The following KLHDC4 variants were observed in gnomAD, a reference collection of about 807,000 sequenced individuals.
KLHDC4 encodes kelch domain-containing protein 4.
A neutral mutation model predicts 62.4 loss-of-function variants in KLHDC4; 90 were observed. The observed-to-expected ratio is 1.44, with a 90% CI of 1.22 to 1.72. The LOEUF is 1.72. Ranked by LOEUF, KLHDC4 falls within the 40% of genes most tolerant of loss-of-function variation. KLHDC4 has a pLI of 0.00. For synonymous variants in KLHDC4, 386 were observed against 284.4 expected (o/e 1.36, Z -3.59); for missense variants, 1,025 against 699.7 (o/e 1.47, Z -5.25).
At chr16:87,700,610 G>A (rs1229557195) in exon 1 of KLHDC4, 1 of 201,634 alleles carries the variant, frequency 5.0e-6, no homozygotes, top group Non-Finnish European at 9.9e-6. Context: ...GGTGGAGGGA[G>A]GAAACAGGGT....
chr16:87,748,601 CG>C (rs2043403540), intron 5 of KLHDC4, 71 bp downstream of exon 5: 3 of 1,585,260 alleles, frequency 1.9e-6, no homozygotes, highest in Admixed American at 1.7e-5. Flanking sequence ...AGGTCTGCTC[CG>C]AGCACTCGGG....
chr16:87,745,368 C>T (rs1004369972), intron 5 of KLHDC4, among the ~76,000 whole-genome samples: 5 of 152,242 alleles, frequency 3.3e-5, no homozygotes, highest in African/African-American at 4.8e-5. Context: ...CGCCCCAGGG[C>T]CCGCCCTGTG....
chr16:87,739,913 C>G (rs1158763544), intron 5 of KLHDC4: 1 of 152,242 alleles, frequency 6.6e-6, no homozygotes, highest in South Asian at 2.1e-4. Context: ...GTGTTGGCTG[C>G]GCAATTCTGT....
intron 5 of KLHDC4, among the ~76,000 whole-genome samples, chr16:87,734,964 C>T (rs1480551527): frequency 3.4e-5 from 2 of 58,334 alleles, no homozygotes; most frequent in African/African-American, 1.2e-4. Flanking sequence ...TGACGAATTG[C>T]CTGACGCCCC....
chr16:87,730,284 T>G (rs897938462), intron 6 of KLHDC4, among the ~76,000 whole-genome samples: 1 of 152,234 alleles, frequency 6.6e-6, no homozygotes, highest in South Asian at 2.1e-4. Context: ...ACTAGCCACA[T>G]CATTTGCAGG....
chr16:87,718,878 C>T (rs533087851), intron 7 of KLHDC4, among the ~76,000 whole-genome samples: 2 of 151,364 alleles, frequency 1.3e-5, no homozygotes, highest in Non-Finnish European at 2.9e-5. Context: ...CCGGCCGCGA[C>T]CCCGTCTGGG....
chr16:87,717,210 G>A (rs1426164517), intron 7 of KLHDC4, among the ~76,000 whole-genome samples: 6 of 152,212 alleles, frequency 3.9e-5, no homozygotes, highest in South Asian at 4.1e-4. Context: ...CAGCCTGGAC[G>A]ACAGAGTGAG....
intron 4 of KLHDC4, among the ~76,000 whole-genome samples, chr16:87,753,844 G>T (rs1331462029): frequency 1.3e-5 from 2 of 151,184 alleles, no homozygotes; most frequent in African/African-American, 4.9e-5. Flanking sequence ...GTGGTGGCGG[G>T]TACCTGTAAT....
At position 87,711,269 on chromosome 16, in the gene KLHDC4, G is replaced by A. The variant is rs1161594286; in HGVS notation, c.1010C>T (p.Ala337Val). 3 of 1,614,154 alleles carry A rather than the reference G, an allele frequency of 1.9e-6. No homozygotes were observed. Among genetic ancestry groups the A allele is most frequent in the African/African-American group, 2.7e-5 (2 of 75,064 alleles). ...TCCCTCAAACCAACGGTTCCTGGTGGCGTCGTAGAAGTACAGATCGTTGAA... is the reference window on the plus strand; with the variant it reads ...TCCCTCAAACCAACGGTTCCTGGTGACGTCGTAGAAGTACAGATCGTTGAA... ...EFFNDLYFYD[A>V]TRNRWFEGQL... The change falls in exon 9 of 12, where the codon GCC becomes GTC. Residue 337 changes from alanine (A) to valine (V), a missense_variant. By Grantham distance (64) the Ala-to-Val change is moderately conservative (BLOSUM62 0). Transcript: ENST00000270583.
intron 1 of KLHDC4, chr16:87,763,518 T>C (rs2046182488): frequency 6.6e-6 from 1 of 152,076 alleles, no homozygotes; most frequent in Non-Finnish European, 1.5e-5. Flanking sequence ...GGCAGGAGAA[T>C]TGCTTGAGCC....
chr16:87,701,318 G>A, exon 1 of KLHDC4: 1 of 251,404 alleles, frequency 4.0e-6, no homozygotes, highest in Non-Finnish European at 8.0e-6. Context: ...CAAGAGGGTA[G>A]CAGGGCGCTC....
intron 5 of KLHDC4, 29 bp downstream of exon 5, chr16:87,748,644 G>A (rs199588074): frequency 6.8e-5 from 109 of 1,613,148 alleles, no homozygotes; most frequent in African/African-American, 1.2e-4. Context: ...AGCCATGCCC[G>A]GAGCTCAGCT....
chr16:87,714,579 A>G lies in KLHDC4; in HGVS notation c.760-6T>C. 1 of 1,614,092 alleles carries G rather than the reference A, an allele frequency of 6.2e-7. No individual in the cohort carries two copies. Among genetic ancestry groups the G allele is most frequent in the Non-Finnish European group, 8.5e-7 (1 of 1,179,948 alleles). On this transcript the variant is annotated splice_region_variant and splice_polypyrimidine_tract_variant and intron_variant, in intron 7 of 11. Transcript: ENST00000270583. ...TCCACGTCTTTCTTAACTCTCTGCA[A>G]TGGAAAGGAATTGTGTGAGAACCGG...
In KLHDC4 at chr16:87,714,580, T is replaced by C. The variant is rs2036557748; in HGVS notation, c.760-7A>G. On this transcript the variant is annotated splice_region_variant and splice_polypyrimidine_tract_variant and intron_variant, in intron 7 of 11. Transcript: ENST00000270583. Reference sequence around the variant, plus strand: ...CCACGTCTTTCTTAACTCTCTGCAATGGAAAGGAATTGTGTGAGAACCGGG... The same window carrying C: ...CCACGTCTTTCTTAACTCTCTGCAACGGAAAGGAATTGTGTGAGAACCGGG... 4 of 1,613,968 alleles carry C rather than the reference T, an allele frequency of 2.5e-6. 1 individual carries two copies. The highest frequency in any genetic ancestry group is 2.2e-5 in the South Asian group (2 of 91,090).
At chr16:87,730,246 GC>G (rs1286661834) in intron 6 of KLHDC4, among the ~76,000 whole-genome samples, 1 of 152,240 alleles carries the variant, frequency 6.6e-6, no homozygotes, top group Admixed American at 6.5e-5. Flanking sequence ...GAGGCACCAT[GC>G]CCAGCCAAAA....
In KLHDC4 at chr16:87,714,262, C is replaced by T. The variant is rs535821282; in HGVS notation, c.835+236G>A. 16 of 464,006 alleles carry T rather than the reference C, an allele frequency of 3.4e-5. No homozygotes were observed. The East Asian group carries it at 2.0e-3, about 58-fold the overall frequency. 28.7% of individuals were successfully genotyped at this position (464,006 alleles called of 1,614,324 possible). On this transcript the variant is annotated intron_variant, in intron 8 of 11. Coordinates refer to ENST00000270583, the MANE Select transcript of KLHDC4 (RefSeq NM_017566.4). ...GGGCTGTCTGCAGGGTAACAGCGCCCGTGCTTCTCAGTCAGTCCATCATCA... is the reference window on the plus strand; with the variant it reads ...GGGCTGTCTGCAGGGTAACAGCGCCTGTGCTTCTCAGTCAGTCCATCATCA...
rs146351072 is a variant in KLHDC4 at position 87,714,308 on chromosome 16, C to G, written c.835+190G>C. ...CATCAATGCCCCCAAAGGTGATTGC[C>G]CAGCAGACACCAGGGCTATGGAGCC... On this transcript the variant is annotated intron_variant, in intron 8 of 11. Transcript: ENST00000270583. 22 of 861,994 alleles carry G rather than the reference C, an allele frequency of 2.6e-5. No homozygotes were observed. The African/African-American group carries it at 3.8e-4, about 15-fold the overall frequency. 53.4% of individuals were successfully genotyped at this position (861,994 alleles called of 1,614,324 possible). A position where few individuals can be genotyped will look rare whatever the true frequency, so the allele number is the denominator to read the frequency against.
At chr16:87,725,224 T>A (rs13330238) in intron 7 of KLHDC4, among the ~76,000 whole-genome samples, 8 of 152,206 alleles carry the variant, frequency 5.3e-5, no homozygotes, top group African/African-American at 2.4e-5. Context: ...AGGATCAGGG[T>A]GTGAGTCACA....
At chr16:87,743,228 C>T (rs968571507) in intron 5 of KLHDC4, among the ~76,000 whole-genome samples, 1 of 152,208 alleles carries the variant, frequency 6.6e-6, no homozygotes, top group Non-Finnish European at 1.5e-5. Flanking sequence ...ACCCCAGCCT[C>T]CCAAGTAGCT....
Sources: gnomAD v4.1 joint callset for allele counts (sites outside exome capture counted in the v4.1 genomes callset) on GRCh38, gnomAD v4.1.1 for gene constraint, MANE v1.5 for transcripts, NCBI Gene and HGNC (gene_info 2026-07-23, HGNC 2026-07-21) for gene names.